NBPF20: variants seen among roughly 807,000 people sequenced by gnomAD.
NBPF20 encodes the protein NBPF member 20, also known as NBPF family member NBPF20.
Under a neutral mutation model 68.1 loss-of-function variants are expected in NBPF20, and 90 were observed. That is an observed-to-expected ratio of 1.32 (90% CI 1.11 to 1.58). The LOEUF (loss-of-function observed/expected upper bound fraction) is 1.58. NBPF20 is among the 40% of genes most tolerant of loss of function. NBPF20 has a pLI of 0.00. For missense variants in NBPF20, 816 were observed against 601.2 expected, an observed-to-expected ratio of 1.36 and a Z score of -3.74; for synonymous variants, 290 against 228.1, an observed-to-expected ratio of 1.27 and a Z score of -2.45.
chr1:145,394,198 G>A (rs1284689664), intron 8 of NBPF20, among the ~76,000 whole-genome samples: 2 of 152,054 alleles, frequency 1.3e-5, no homozygotes, highest in African/African-American at 4.8e-5. Context: ...ACACAAATGA[G>A]AAATTTTTTC....
chr1:145,402,560 C>G (rs1163862157), intron 3 of NBPF20, among the ~76,000 whole-genome samples, 179 bp from the exon 9 acceptor site: 1 of 151,984 alleles, frequency 6.6e-6, no homozygotes. Flanking sequence ...CAGGCTTCCT[C>G]TGTATCAGAG....
chr1:145,394,012 C>T, intron 8 of NBPF20, 77 bp from the exon 14 acceptor site: 3 of 818,046 alleles, frequency 3.7e-6, no homozygotes, highest in Non-Finnish European at 6.4e-6. Flanking sequence ...CTGTCCAATC[C>T]TAACACAGGG....
chr1:145,296,037 A>C (rs1467250606), intron 132 of NBPF20: 1 of 163,934 alleles, frequency 6.1e-6, no homozygotes, highest in African/African-American at 1.5e-4. Context: ...TACAAGATCT[A>C]CAAAATTGAG....
chr1:145,393,918 C>G, exon 9 of NBPF20: 3 of 1,456,058 alleles, frequency 2.1e-6, no homozygotes, highest in South Asian at 1.1e-5. Context: ...TCCTTTTTCA[C>G]TTGATCCCAC....
rs1454359327 is a variant in NBPF20 at position 145,394,926 on chromosome 1, T to A, written c.991+52A>T. ...GGCACAAGGCCCAAAGATTATGGGG[T>A]CTACCTGGGCCATGAACTGGAGCTT... On this transcript the variant is annotated intron_variant, in intron 8 of 137. Coordinates refer to ENST00000369373, the Ensembl canonical transcript of NBPF20. The A allele has an allele frequency of 3.7e-6, 6 of 1,607,366 alleles. No homozygotes were observed. The East Asian group carries it at 1.1e-4, about 30-fold the overall frequency.
exon 138 of NBPF20, chr1:145,291,258 G>A (rs1553657364): frequency 1.7e-6 from 1 of 594,022 alleles, no homozygotes; most frequent in East Asian, 2.9e-5. Context: ...TAGCTACCCA[G>A]AGATACGTGG....
intron 137 of NBPF20, among the ~76,000 whole-genome samples, 195 bp from the exon 143 acceptor site, chr1:145,291,964 CAGAGAG>C (rs1214346578): frequency 6.7e-6 from 1 of 150,244 alleles, no homozygotes; most frequent in East Asian, 1.9e-4. Flanking sequence ...AAGAGAAAGA[CAGAGAG>C]AGAGAGACAG....
rs188002582 is a variant in NBPF20, at chr1:145,404,960, C to A, written c.175+138G>T. ...TTTGGTACCTCTGTCTTCCAACTAA[C>A]AAAATGTTAAAATACCCATTTCTGT... On this transcript the variant is annotated intron_variant, in intron 2 of 137. Transcript: ENST00000369373. 917 of 1,150,026 alleles carry A rather than the reference C, an allele frequency of 8.0e-4. 4 individuals are homozygous for A. In the African/African-American group the frequency reaches 0.013, roughly 16 times the overall value. The allele number at this position is 1,150,026 out of a possible 1,614,324, so 71.2% of individuals were successfully genotyped here.
At chr1:145,408,683 T>C (rs1662900560), upstream of NBPF20, among the ~76,000 whole-genome samples, 2 of 151,934 alleles carry the variant, frequency 1.3e-5, no homozygotes, top group South Asian at 2.1e-4. Flanking sequence ...ATCAGAATTG[T>C]GTTGATGTAA....
At chr1:145,405,337 G>C in intron 1 of NBPF20, 30 bp from the exon 7 acceptor site, 2 of 1,495,686 alleles carry the variant, frequency 1.3e-6, no homozygotes, top group South Asian at 1.1e-5. Context: ...ACATATGATG[G>C]GTTAAAAACT....
intron 6 of NBPF20, 120 bp downstream of exon 11, chr1:145,400,269 C>A: frequency 1.3e-6 from 2 of 1,586,992 alleles, no homozygotes; most frequent in East Asian, 2.2e-5. Context: ...TCCCTGATAT[C>A]TGTTTAGAAA....
chr1:145,404,045 T>G (rs1343100603), intron 2 of NBPF20, among the ~76,000 whole-genome samples: 1 of 111,966 alleles, frequency 8.9e-6, no homozygotes, highest in Non-Finnish European at 1.8e-5. Flanking sequence ...TCTGAACAGA[T>G]GAGGAAACTG....
At chr1:145,419,797 A>G in the NBPF20 span, among the ~76,000 whole-genome samples, 1 of 152,198 alleles carries the variant, frequency 6.6e-6, no homozygotes, top group Admixed American at 6.5e-5. Flanking sequence ...TCTAGCCCAG[A>G]GCAGGGCATG....
At chr1:145,393,677 C>T in intron 9 of NBPF20, 1 of 1,390,042 alleles carries the variant, frequency 7.2e-7, no homozygotes, top group Non-Finnish European at 9.7e-7. Context: ...TTATGGTCAA[C>T]TTTCACTAGG....
chr1:145,292,459 CT>C lies in NBPF20; in HGVS notation c.16618del (p.Arg5540GlufsTer32), dbSNP rs1661189373. 1.4e-6 allele frequency: 1 copy of C among 717,636 alleles called. No homozygotes were observed. The highest frequency in any genetic ancestry group is 2.0e-5 in the Admixed American group (1 of 49,552). The allele number at this position is 717,636 out of a possible 1,614,324, so 44.5% of individuals were successfully genotyped here. A position where few individuals can be genotyped will look rare whatever the true frequency, so the allele number is the denominator to read the frequency against. On this transcript the variant is annotated frameshift_variant, in exon 137 of 138. Transcript: ENST00000369373. LOFTEE classifies it high-confidence loss of function. The stretch of plus-strand genomic sequence containing the variant: ...TTTCTTCTTTGATCTTCTTCCCCTT[CT>C]TTTCTTCCCCTTCCCCTTCTTTTCA...
At chr1:145,410,535 G>A (rs1458582054), upstream of NBPF20, among the ~76,000 whole-genome samples, 10 of 150,370 alleles carry the variant, frequency 6.7e-5, no homozygotes, top group East Asian at 1.9e-4. Context: ...GGATGGTCTC[G>A]ATCTCCTGAC....
upstream of NBPF20, among the ~76,000 whole-genome samples, chr1:145,407,499 TAATA>T (rs1490827146): frequency 1.4e-4 from 21 of 145,840 alleles, no homozygotes; most frequent in East Asian, 3.9e-4. Context: ...TGAATATATA[TAATA>T]TATATACGTG....
intron 7 of NBPF20, among the ~76,000 whole-genome samples, chr1:145,398,183 C>G (rs1192559890): frequency 6.6e-5 from 10 of 151,800 alleles, no homozygotes; most frequent in African/African-American, 2.2e-4. Context: ...GAGACAGAAG[C>G]TTAACAAGGA....
the NBPF20 span, among the ~76,000 whole-genome samples, chr1:145,419,591 C>T: frequency 6.6e-6 from 1 of 152,062 alleles, no homozygotes; most frequent in Non-Finnish European, 1.5e-5. Flanking sequence ...GGGCCTCAGC[C>T]CCTGGGTCTG....
Sources: allele counts gnomAD v4.1 joint callset (sites outside exome capture counted in the v4.1 genomes callset), GRCh38; gene constraint gnomAD v4.1.1; transcripts MANE v1.5; gene names NCBI Gene and HGNC (gene_info 2026-07-23, HGNC 2026-07-21).